Variants in ERBB4 observed in about 807,000 individuals in gnomAD.
ERBB4 encodes the protein receptor tyrosine-protein kinase erbB-4.
In ERBB4, 42 loss-of-function variants were observed where a neutral mutation model predicts 158.0. The observed-to-expected ratio is 0.27, with a 90% CI of 0.21 to 0.34. ERBB4 has a LOEUF of 0.34. Among genes scored for constraint, ERBB4 ranks in the 10% least tolerant of loss-of-function variants. The pLI, the probability that ERBB4 is intolerant of heterozygous loss-of-function variation, is 1.00. For missense variants in ERBB4, 1,333 were observed against 1,624.1 expected (o/e 0.82, Z 3.08); for synonymous variants, 583 against 558.7 (o/e 1.04, Z -0.61).
chr2:211,550,078 T>C (rs2067043320), intron 20 of ERBB4, among the ~76,000 whole-genome samples: 1 of 152,150 alleles, frequency 6.6e-6, no homozygotes, highest in Admixed American at 6.5e-5. Flanking sequence ...CCAGATGTTT[T>C]GATACATGTA....
chr2:211,938,722 A>T (rs2080399718), intron 3 of ERBB4, among the ~76,000 whole-genome samples: 1 of 152,240 alleles, frequency 6.6e-6, no homozygotes, highest in East Asian at 1.9e-4. Flanking sequence ...CGGAGGGTAA[A>T]TATTTGTCAG....
chr2:212,061,638 G>A (rs2077771661), intron 2 of ERBB4, among the ~76,000 whole-genome samples: 1 of 151,884 alleles, frequency 6.6e-6, no homozygotes, highest in East Asian at 1.9e-4. Context: ...ATGGATATGG[G>A]TGGGAACTGT....
chr2:212,284,373 T>C (rs1392933635), intron 1 of ERBB4, among the ~76,000 whole-genome samples: 1 of 152,138 alleles, frequency 6.6e-6, no homozygotes, highest in African/African-American at 2.4e-5. Context: ...TCCACAAACA[T>C]TTAATTCTGC....
chr2:211,396,333 A>C (rs894251387), intron 25 of ERBB4, among the ~76,000 whole-genome samples: 1 of 152,076 alleles, frequency 6.6e-6, no homozygotes. Flanking sequence ...TGTTTTTCTT[A>C]TGTTTCACAT....
intron 1 of ERBB4, among the ~76,000 whole-genome samples, chr2:212,395,842 C>T (rs995509647): frequency 1.3e-5 from 2 of 152,030 alleles, no homozygotes; most frequent in Non-Finnish European, 2.9e-5. Context: ...TGGTCTCGAT[C>T]TCTTGACCTC....
chr2:211,569,579 G>C (rs2067652881), intron 19 of ERBB4, among the ~76,000 whole-genome samples: 1 of 152,176 alleles, frequency 6.6e-6, no homozygotes, highest in South Asian at 2.1e-4. Flanking sequence ...GGTGGTCGCA[G>C]AGCTACTTTA....
chr2:211,701,756 CAAAAAAAAAAAAAAA>C (rs71409856), intron 12 of ERBB4, among the ~76,000 whole-genome samples, 196 bp downstream of exon 12: 6 of 66,646 alleles, frequency 9.0e-5, no homozygotes, highest in African/African-American at 2.0e-4. Flanking sequence ...GACTCCGTCT[CAAAAAAAAAAAAAAA>C]AAAAAAAAAA....
At chr2:212,249,083 C>T (rs1320254440) in intron 1 of ERBB4, among the ~76,000 whole-genome samples, 1 of 151,882 alleles carries the variant, frequency 6.6e-6, no homozygotes, top group East Asian at 1.9e-4. Flanking sequence ...GGAACTAGAC[C>T]AGCAACAGAC....
intron 1 of ERBB4, among the ~76,000 whole-genome samples, chr2:212,345,265 C>CCAAAAAAAAAAAAAAAAAAAAAAA (rs2088936094): frequency 1.3e-5 from 1 of 77,718 alleles, no homozygotes; most frequent in South Asian, 3.8e-4. Flanking sequence ...GACTCCGTCT[C>CCAAAAAAAAAAAAAAAAAAAAAAA]AAAAAAAAAA....
intron 1 of ERBB4, among the ~76,000 whole-genome samples, chr2:212,184,653 T>G (rs893070571): frequency 2.0e-4 from 30 of 151,768 alleles, no homozygotes; most frequent in African/African-American, 7.0e-4. Flanking sequence ...TTTGTTTTTG[T>G]TTATTTTACC....
intron 1 of ERBB4, among the ~76,000 whole-genome samples, chr2:212,224,540 G>T (rs2083410333): frequency 6.6e-6 from 1 of 151,904 alleles, no homozygotes; most frequent in Non-Finnish European, 1.5e-5. Flanking sequence ...TTGCTCTTTT[G>T]CTTACCCATT....
intron 19 of ERBB4, among the ~76,000 whole-genome samples, chr2:211,592,684 C>A (rs997611551): frequency 2.0e-5 from 3 of 152,036 alleles, no homozygotes; most frequent in Non-Finnish European, 4.4e-5. Context: ...TTAAGTAGTA[C>A]AAGGGCCAAT....
chr2:212,437,667 A>G (rs373397296), intron 1 of ERBB4, among the ~76,000 whole-genome samples: 7 of 152,206 alleles, frequency 4.6e-5, no homozygotes, highest in Admixed American at 1.3e-4. Flanking sequence ...AAGGAACTCC[A>G]TAATTGGGTT....
chr2:211,965,979 G>C (rs1175978987), intron 2 of ERBB4, among the ~76,000 whole-genome samples: 1 of 152,126 alleles, frequency 6.6e-6, no homozygotes, highest in Non-Finnish European at 1.5e-5. Context: ...TGGGAGGCCA[G>C]GGCAGGAGGC....
At chr2:212,266,063 T>C (rs937394908) in intron 1 of ERBB4, among the ~76,000 whole-genome samples, 15 of 151,938 alleles carry the variant, frequency 9.9e-5, no homozygotes, top group African/African-American at 4.8e-5. Flanking sequence ...AAAATAATCA[T>C]ATCACAGTTT....
chr2:211,395,565 C>G (rs2062895297), intron 25 of ERBB4, among the ~76,000 whole-genome samples: 1 of 151,782 alleles, frequency 6.6e-6, no homozygotes, highest in Admixed American at 6.6e-5. Context: ...TTGTTCTAAG[C>G]TGAAATACAT....
At chr2:211,771,514 A>G (rs946514668) in intron 4 of ERBB4, among the ~76,000 whole-genome samples, 3 of 152,226 alleles carry the variant, frequency 2.0e-5, no homozygotes, top group Admixed American at 1.3e-4. Context: ...AAACATAAAT[A>G]AAATCTACTC....
At chr2:211,513,504 C>G (rs1296456736) in intron 20 of ERBB4, among the ~76,000 whole-genome samples, 1 of 151,994 alleles carries the variant, frequency 6.6e-6, no homozygotes, top group African/African-American at 2.4e-5. Flanking sequence ...TATGAAATCC[C>G]TAATTATTTA....
intron 2 of ERBB4, among the ~76,000 whole-genome samples, chr2:212,110,442 A>C (rs1415911663): frequency 6.6e-6 from 1 of 152,208 alleles, no homozygotes; most frequent in Non-Finnish European, 1.5e-5. Flanking sequence ...GAAGGATGTC[A>C]GATTGCTGAC....
Sources: allele counts gnomAD v4.1 joint callset (sites outside exome capture counted in the v4.1 genomes callset), GRCh38; gene constraint gnomAD v4.1.1; transcripts MANE v1.5; gene names NCBI Gene and HGNC (gene_info 2026-07-23, HGNC 2026-07-21).